The following CCDC88C variants were observed in gnomAD, a reference collection of about 807,000 sequenced individuals.
CCDC88C encodes the protein coiled-coil and HOOK domain protein 88C.
CCDC88C carries 131 observed loss-of-function variants against 198.8 expected under a neutral mutation model. The ratio of observed to expected loss-of-function variants is 0.66; its 90% CI spans 0.57 to 0.76. CCDC88C has a LOEUF of 0.76. Ranked by LOEUF, CCDC88C falls within the 30% of genes least tolerant of loss-of-function variation. The probability of loss-of-function intolerance (pLI) is 0.00; values close to 1 mark genes in which losing one functional copy is unlikely to be tolerated. For missense variants in CCDC88C, 2,553 were observed against 2,631.6 expected (o/e 0.97, Z 0.65); for synonymous variants, 1,166 against 1,114.7 (o/e 1.05, Z -0.92).
chr14:91,321,255 G>A lies in CCDC88C; in HGVS notation c.1392C>T (p.Arg464=). Residue 464 remains arginine (R), a synonymous_variant, in exon 13 of 30, where the codon CGC becomes CGT. Coordinates refer to ENST00000389857, the MANE Select transcript of CCDC88C (RefSeq NM_001080414.4). Reference sequence around the variant, plus strand: ...GATTCTCCTTCTCCAGCTTCAGGATGCGGCTGGACGCACATTCGTTCAGCT... The same window carrying A: ...GATTCTCCTTCTCCAGCTTCAGGATACGGCTGGACGCACATTCGTTCAGCT... ...VFELNECASS[R]ILKLEKENQS... is the part of the protein sequence containing the mutation. The A allele has an allele frequency of 6.3e-7, 1 of 1,584,842 alleles. No individual in the cohort carries two copies. Among genetic ancestry groups the A allele is most frequent in the South Asian group, 1.1e-5 (1 of 87,108 alleles).
intron 3 of CCDC88C, among the ~76,000 whole-genome samples, chr14:91,394,904 TGGCCAGGGGACG>T (rs1174243929): frequency 1.2e-4 from 18 of 151,982 alleles, no homozygotes; most frequent in Non-Finnish European, 4.4e-5. Flanking sequence ...GAACACAGAG[TGGCCAGGGGACG>T]GGCCTTGGGT....
rs1202096033 is a variant in CCDC88C, at chr14:91,379,777, G to C, written c.271-20066C>G. On this transcript the variant is annotated intron_variant, in intron 3 of 29. Transcript: ENST00000389857. ...CACCCCGTGCCCGGGCCTCCTGCGG[G>C]GGTGTCTTGTTCACTGTCCACTTCC... is the stretch of plus-strand genomic sequence containing the variant. 4.3e-6 allele frequency: 3 copies of C among 700,706 alleles called. No homozygotes were observed. The East Asian group carries it at 8.1e-5, about 19-fold the overall frequency. The allele number at this position is 700,706 out of a possible 1,614,324, so 43.4% of individuals were successfully genotyped here.
intron 4 of CCDC88C, among the ~76,000 whole-genome samples, chr14:91,356,981 T>C (rs897024795): frequency 6.6e-6 from 1 of 152,218 alleles, no homozygotes; most frequent in Non-Finnish European, 1.5e-5. Flanking sequence ...CGTTTAATAT[T>C]AGGTTCAACC....
At chr14:91,316,779 C>G (rs1427501625) in intron 13 of CCDC88C, among the ~76,000 whole-genome samples, 1 of 152,228 alleles carries the variant, frequency 6.6e-6, no homozygotes, top group Non-Finnish European at 1.5e-5. Context: ...CTACCTACCC[C>G]TGATGGACCC....
At chr14:91,306,366 T>C (rs928988179) in intron 18 of CCDC88C, among the ~76,000 whole-genome samples, 2 of 152,198 alleles carry the variant, frequency 1.3e-5, no homozygotes, top group African/African-American at 4.8e-5. Context: ...GCACTTCACA[T>C]TATGTGAGAC....
intron 26 of CCDC88C, among the ~76,000 whole-genome samples, 199 bp downstream of exon 26, chr14:91,283,130 G>C (rs1890265875): frequency 6.6e-6 from 1 of 152,156 alleles, no homozygotes; most frequent in South Asian, 2.1e-4. Context: ...TTGGGCCTCT[G>C]AAGGGCTTCC....
intron 2 of CCDC88C, among the ~76,000 whole-genome samples, chr14:91,413,947 A>C (rs1341362814): frequency 6.6e-6 from 1 of 152,248 alleles, no homozygotes; most frequent in East Asian, 1.9e-4. Flanking sequence ...GAGATGAGGC[A>C]GAACAGCCTT....
In CCDC88C at chr14:91,324,933, G is replaced by A. The variant is rs1370940318; in HGVS notation, c.1198-10C>T. On this transcript the variant is annotated splice_polypyrimidine_tract_variant and intron_variant, in intron 11 of 29. Transcript: ENST00000389857. ...TATCTGTGTCCCGGTCCTGGGGCAA[G>A]CAAGAAGAGGCAAGAAGTGAGGCTG... The A allele has an allele frequency of 6.2e-7, 1 of 1,613,042 alleles. No individual in the cohort carries two copies. The highest frequency in any genetic ancestry group is 2.2e-5 in the East Asian group (1 of 44,886).
chr14:91,328,107 C>A (rs1480067950), intron 10 of CCDC88C, among the ~76,000 whole-genome samples: 1 of 152,170 alleles, frequency 6.6e-6, no homozygotes, highest in Non-Finnish European at 1.5e-5. Flanking sequence ...CCAAATCATG[C>A]CACAAGGAGG....
At chr14:91,294,790 T>C (rs564276322) in intron 22 of CCDC88C, among the ~76,000 whole-genome samples, 1 of 152,312 alleles carries the variant, frequency 6.6e-6, no homozygotes, top group South Asian at 2.1e-4. Context: ...GAGTCTCAGC[T>C]GGGATTACAG....
intron 3 of CCDC88C, among the ~76,000 whole-genome samples, chr14:91,394,590 A>C (rs1885724329): frequency 1.3e-5 from 2 of 152,230 alleles, no homozygotes; most frequent in South Asian, 4.1e-4. Flanking sequence ...CTCCGTTGTT[A>C]TGTATCTTGT....
At chr14:91,311,765 C>T (rs957118858) in intron 15 of CCDC88C, among the ~76,000 whole-genome samples, 3 of 152,158 alleles carry the variant, frequency 2.0e-5, no homozygotes, top group African/African-American at 4.8e-5. Context: ...AGGGTAAGGA[C>T]AACATGGAAT....
At chr14:91,396,948 G>T (rs1885881532) in intron 3 of CCDC88C, among the ~76,000 whole-genome samples, 2 of 151,930 alleles carry the variant, frequency 1.3e-5, no homozygotes, top group South Asian at 4.1e-4. Context: ...CGAGGCTGCA[G>T]TAAGCCGTGA....
intron 29 of CCDC88C, among the ~76,000 whole-genome samples, 155 bp downstream of exon 29, chr14:91,277,767 T>G (rs919612251): frequency 2.0e-5 from 3 of 152,180 alleles, no homozygotes; most frequent in Non-Finnish European, 2.9e-5. Flanking sequence ...TGCGGTGACT[T>G]GTCAGCTAGT....
At chr14:91,411,651 TA>T (rs1332348919) in intron 2 of CCDC88C, among the ~76,000 whole-genome samples, 1 of 151,916 alleles carries the variant, frequency 6.6e-6, no homozygotes, top group Non-Finnish European at 1.5e-5. Context: ...TTCCTTTTCA[TA>T]AAAACTTCCA....
intron 4 of CCDC88C, among the ~76,000 whole-genome samples, 159 bp downstream of exon 4, chr14:91,359,483 C>T (rs117426004): frequency 1.9e-3 from 295 of 152,280 alleles, no homozygotes; most frequent in Non-Finnish European, 3.2e-3. Context: ...GGCTGAATGC[C>T]TCAGGGTAAT....
chr14:91,359,720 A>G lies in CCDC88C; in HGVS notation c.271-9T>C, dbSNP rs200240362. The G allele has an allele frequency of 5.9e-4, 943 of 1,606,444 alleles. 1 individual carries two copies. Among genetic ancestry groups the G allele is most frequent in the Non-Finnish European group, 7.6e-4 (890 of 1,175,754 alleles). Reference sequence around the variant, plus strand: ...AGCTGCTGGAGAACTTCCTGCAGAAACAAAGGGGGAAAAGATACCATTAAG... The same window carrying G: ...AGCTGCTGGAGAACTTCCTGCAGAAGCAAAGGGGGAAAAGATACCATTAAG... On this transcript the variant is annotated splice_polypyrimidine_tract_variant and intron_variant, in intron 3 of 29. Transcript: ENST00000389857.
At chr14:91,405,736 G>A (rs760984553) in intron 3 of CCDC88C, among the ~76,000 whole-genome samples, 81 of 152,224 alleles carry the variant, frequency 5.3e-4, no homozygotes, top group African/African-American at 7.7e-4. Flanking sequence ...CAAAGAGCAC[G>A]TACAGTATGA....
At chr14:91,396,877 G>GT (rs1885876308) in intron 3 of CCDC88C, among the ~76,000 whole-genome samples, 1 of 152,136 alleles carries the variant, frequency 6.6e-6, no homozygotes, top group Non-Finnish European at 1.5e-5. Flanking sequence ...GTGCATGCTG[G>GT]TAGTCCCAGC....
Sources: gnomAD v4.1 joint callset for allele counts (sites outside exome capture counted in the v4.1 genomes callset) on GRCh38, gnomAD v4.1.1 for gene constraint, MANE v1.5 for transcripts, NCBI Gene and HGNC (gene_info 2026-07-23, HGNC 2026-07-21) for gene names.